Variants in EML5 observed in about 807,000 individuals in gnomAD.
The protein encoded by EML5 is echinoderm microtubule-associated protein-like 5.
In EML5, 120 loss-of-function variants were observed where a neutral mutation model predicts 250.0. The ratio of observed to expected loss-of-function variants is 0.48; its 90% CI spans 0.41 to 0.56. EML5 has a LOEUF of 0.56. EML5 is among the 20% of genes least tolerant of loss of function. The pLI, the probability that EML5 is intolerant of heterozygous loss-of-function variation, is 0.00. For missense variants in EML5, 2,006 were observed against 2,437.6 expected, an observed-to-expected ratio of 0.82 and a Z score of 3.73; for synonymous variants, 771 against 806.5, an observed-to-expected ratio of 0.96 and a Z score of 0.75.
chr14:88,690,074 G>A (rs1460229254), intron 17 of EML5, among the ~76,000 whole-genome samples: 1 of 152,158 alleles, frequency 6.6e-6, no homozygotes, highest in African/African-American at 2.4e-5. Context: ...TCCAGGCAGA[G>A]GGAGCAGCAA....
chr14:88,655,419 C>T (rs1222304920), intron 27 of EML5, among the ~76,000 whole-genome samples: 1 of 151,942 alleles, frequency 6.6e-6, no homozygotes, highest in East Asian at 1.9e-4. Context: ...AAACTAGCTA[C>T]CCGTATGTAG....
intron 8 of EML5, among the ~76,000 whole-genome samples, chr14:88,723,992 C>T (rs8004599): frequency 0.64 from 97,038 of 151,856 alleles, 32,984 homozygotes; most frequent in East Asian, 0.94. Flanking sequence ...TGTTATGAGC[C>T]GGGCACAGTA....
intron 17 of EML5, among the ~76,000 whole-genome samples, chr14:88,690,751 C>A (rs2092937864): frequency 6.6e-6 from 1 of 152,140 alleles, no homozygotes; most frequent in African/African-American, 2.4e-5. Context: ...TAGAGAGGAA[C>A]ATTGATGATA....
chr14:88,714,550 T>TCA (rs1272074666), intron 9 of EML5, among the ~76,000 whole-genome samples: 2 of 152,216 alleles, frequency 1.3e-5, no homozygotes, highest in East Asian at 3.9e-4. Flanking sequence ...TTAAATGTTC[T>TCA]CACCACACAC....
intron 28 of EML5, among the ~76,000 whole-genome samples, chr14:88,647,376 GA>G (rs1001308693): frequency 4.0e-5 from 6 of 150,690 alleles, no homozygotes; most frequent in South Asian, 2.1e-4. Context: ...TCAAAAAAAA[GA>G]AAAAAAAGAA....
At chr14:88,634,910 G>A (rs17204115) in intron 32 of EML5, among the ~76,000 whole-genome samples, 7,222 of 152,088 alleles carry the variant, frequency 0.047, 260 homozygotes, top group Non-Finnish European at 0.068. Flanking sequence ...AAGATTTTCC[G>A]TATGCATCTT....
chr14:88,652,510 T>C (rs2091678161), intron 27 of EML5, among the ~76,000 whole-genome samples: 1 of 152,290 alleles, frequency 6.6e-6, no homozygotes, highest in Non-Finnish European at 1.5e-5. Context: ...TTTCTATCTC[T>C]CTGAGTTCCA....
intron 23 of EML5, 137 bp from the exon 24 acceptor site, chr14:88,663,256 T>A (rs1421107372): frequency 4.1e-6 from 2 of 482,996 alleles, no homozygotes; most frequent in Non-Finnish European, 7.0e-6. Context: ...CAACTTATAG[T>A]AAGAACATTT....
Position 88,620,978 on chromosome 14 carries a change from A to G in EML5, c.5203-52T>C, listed in dbSNP as rs2088813410. The G allele has an allele frequency of 2.7e-6, 4 of 1,472,390 alleles. No individual in the cohort carries two copies. The South Asian group carries it at 5.7e-5, about 21-fold the overall frequency. The allele number at this position is 1,472,390 out of a possible 1,614,324, so 91.2% of individuals were successfully genotyped here. A position where few individuals can be genotyped will look rare whatever the true frequency, so the allele number is the denominator to read the frequency against. ...AGTCATAGGAAACATTAAGTGAAGT[A>G]CTTCTAAATTATACCAGTTTCCCCT... On this transcript the variant is annotated intron_variant, in intron 38 of 43. Transcript: ENST00000554922. This position sits in a 1 kb window ranked among gnomAD's most constrained non-coding sequence, Gnocchi z 4.3.
intron 6 of EML5, among the ~76,000 whole-genome samples, chr14:88,736,801 T>TTAC (rs1566726533): frequency 6.6e-6 from 1 of 152,156 alleles, no homozygotes; most frequent in Non-Finnish European, 1.5e-5. Context: ...TTCACTTACT[T>TTAC]TACACATATT....
chr14:88,748,810 A>G (rs2094046410), intron 2 of EML5, among the ~76,000 whole-genome samples: 1 of 152,100 alleles, frequency 6.6e-6, no homozygotes, highest in Non-Finnish European at 1.5e-5. Flanking sequence ...CCAAAGGATT[A>G]ACAGCAGCTC....
intron 21 of EML5, among the ~76,000 whole-genome samples, chr14:88,679,466 C>T (rs186806861): frequency 4.6e-5 from 7 of 151,972 alleles, no homozygotes; most frequent in Non-Finnish European, 5.9e-5. Flanking sequence ...CCAAGGTGGG[C>T]GGATCACTTG....
At chr14:88,751,683 G>A (rs1006725787) in intron 2 of EML5, among the ~76,000 whole-genome samples, 4 of 152,150 alleles carry the variant, frequency 2.6e-5, no homozygotes, top group Non-Finnish European at 5.9e-5. Context: ...TACTCACCCA[G>A]AGAATGTAAG....
At position 88,740,391 on chromosome 14, in the gene EML5, T is replaced by C. The variant is rs1053760842; in HGVS notation, c.707A>G (p.His236Arg). 2.5e-6 allele frequency: 4 copies of C among 1,606,780 alleles called. No individual in the cohort carries two copies. Among genetic ancestry groups the C allele is most frequent in the Non-Finnish European group, 3.4e-6 (4 of 1,177,030 alleles). The change falls in exon 5 of 44, where the codon CAT becomes CGT. Residue 236 changes from histidine (H) to arginine (R), a missense_variant. This residue lies in a region of EML5 where 1,375 missense variants were observed against 1,590.3 expected (regional missense o/e 0.86). Coordinates refer to ENST00000554922, the MANE Select transcript of EML5 (RefSeq NM_183387.3). ...AAAATACTTAAATGTACTTACAGCA[T>C]GGGCTCCTTGTATTGTTCGTATAAG... The part of the protein sequence containing the change: ...INLIRTIQGA[H>R]AAGIFSMNAC...
Position 88,618,307 on chromosome 14 carries a change from G to C in EML5, c.5563C>G (p.His1855Asp), listed in dbSNP as rs917924960. 6.2e-7 allele frequency: 1 copy of C among 1,613,684 alleles called. No individual in the cohort carries two copies. Among genetic ancestry groups the C allele is most frequent in the East Asian group, 2.2e-5 (1 of 44,856 alleles). Reference protein sequence around the residue: ...LQVSSGCYKRHVYEVPSGKHL... With the variant: ...LQVSSGCYKRDVYEVPSGKHL... Reference sequence around the variant, plus strand: ...TTTCCTGAAGGCACTTCATAGACATGCCGTTTATAGCAGCCACTAGAGACC... The same window carrying C: ...TTTCCTGAAGGCACTTCATAGACATCCCGTTTATAGCAGCCACTAGAGACC... Residue 1855 changes from histidine to aspartate, a missense_variant, in exon 41 of 44, where the codon CAT (histidine) becomes GAT (aspartate). Physicochemically the swap from His to Asp is moderately conservative, Grantham distance 81 (BLOSUM62 -1). Coordinates refer to ENST00000554922, the MANE Select transcript of EML5 (RefSeq NM_183387.3).
At chr14:88,699,271 A>G (rs988438485) in intron 14 of EML5, among the ~76,000 whole-genome samples, 10 of 152,142 alleles carry the variant, frequency 6.6e-5, no homozygotes, top group Non-Finnish European at 1.3e-4. Context: ...CGTGTTGGAC[A>G]AATTCTATCT....
intron 30 of EML5, among the ~76,000 whole-genome samples, chr14:88,643,633 A>G (rs1165675371): frequency 6.6e-6 from 1 of 152,164 alleles, no homozygotes; most frequent in Non-Finnish European, 1.5e-5. Flanking sequence ...AAAGAAGAAA[A>G]TTTTATGTTC....
chr14:88,679,152 C>G (rs930150035), intron 21 of EML5, among the ~76,000 whole-genome samples: 1 of 149,006 alleles, frequency 6.7e-6, no homozygotes, highest in African/African-American at 2.5e-5. Context: ...GGATTTAGAG[C>G]CCAACCAAAT....
At chr14:88,705,445 ACT>A in intron 12 of EML5, 35 bp downstream of exon 12, 1 of 1,438,634 alleles carries the variant, frequency 7.0e-7, no homozygotes, top group Non-Finnish European at 9.6e-7. Context: ...AAGAAATTAG[ACT>A]TTTTAGAGAA....
Sources: gnomAD v4.1 joint callset for allele counts (sites outside exome capture counted in the v4.1 genomes callset) on GRCh38, gnomAD v4.1.1 for gene constraint, gnomAD v4.1.1 regional missense constraint, Gnocchi (gnomAD v3.1) non-coding constraint, MANE v1.5 for transcripts, NCBI Gene and HGNC (gene_info 2026-07-23, HGNC 2026-07-21) for gene names.